The following PCDH15 variants were observed in gnomAD, a reference collection of about 807,000 sequenced individuals.
The protein encoded by PCDH15 is protocadherin related 15.
PCDH15 carries 129 observed loss-of-function variants against 178.5 expected under a neutral mutation model. The observed-to-expected ratio is 0.72, with a 90% CI of 0.63 to 0.84. The LOEUF (loss-of-function observed/expected upper bound fraction) is 0.84, where lower values mean the gene tolerates loss of function less well. Ranked by LOEUF, PCDH15 falls within the 40% of genes least tolerant of loss-of-function variation. The pLI, the probability that PCDH15 is intolerant of heterozygous loss-of-function variation, is 0.00. For synonymous variants in PCDH15, 800 were observed against 732.0 expected, an observed-to-expected ratio of 1.09 and a Z score of -1.50; for missense variants, 2,230 against 2,099.9, an observed-to-expected ratio of 1.06 and a Z score of -1.21.
At chr10:54,129,298 TTATAG>T (rs1363479304) in intron 15 of PCDH15, among the ~76,000 whole-genome samples, 1 of 152,128 alleles carries the variant, frequency 6.6e-6, no homozygotes, top group Non-Finnish European at 1.5e-5. Context: ...TCAATACATA[TTATAG>T]TAAAAAGTAA....
At chr10:54,640,877 G>A (rs2093971932) in intron 2 of PCDH15, among the ~76,000 whole-genome samples, 3 of 152,148 alleles carry the variant, frequency 2.0e-5, no homozygotes, top group African/African-American at 4.8e-5. Flanking sequence ...GCTGAGGTAG[G>A]TGGATCACTT....
chr10:54,093,874 T>C (rs1565240952), intron 15 of PCDH15, among the ~76,000 whole-genome samples: 1 of 152,192 alleles, frequency 6.6e-6, no homozygotes, highest in African/African-American at 2.4e-5. Context: ...AATGGGAGCA[T>C]AGTGTTATTC....
At chr10:53,833,229 A>C (rs1160275482) in intron 29 of PCDH15, among the ~76,000 whole-genome samples, 1 of 152,074 alleles carries the variant, frequency 6.6e-6, no homozygotes, top group East Asian at 1.9e-4. Context: ...TGTGGAGTTC[A>C]GTTGACAGAT....
At chr10:55,554,015 A>T (rs973526635) in intron 2 of PCDH15, among the ~76,000 whole-genome samples, 1 of 152,018 alleles carries the variant, frequency 6.6e-6, no homozygotes, top group African/African-American at 2.4e-5. Context: ...GGGGTTCACA[A>T]TTAAGGTTGT....
At chr10:53,937,515 T>A (rs2085683148) in intron 25 of PCDH15, among the ~76,000 whole-genome samples, 2 of 152,184 alleles carry the variant, frequency 1.3e-5, no homozygotes, top group Non-Finnish European at 2.9e-5. Context: ...AAAGAATTCA[T>A]CTGCTATTTT....
Position 54,757,339 on chromosome 10 carries a change from G to C in PCDH15, c.-29+43586C>G, listed in dbSNP as rs1346035524. ...GCTCTGTCGCCCAGGCTGGAGCGCA[G>C]TGGCGCGATCTCGACTCACTGCAAG... is the stretch of plus-strand genomic sequence containing the variant. On this transcript the variant is annotated intron_variant, in intron 1 of 37. Transcript: ENST00000644397. 6.9e-5 allele frequency among the ~76,000 whole-genome samples: 2 copies of C among 28,870 alleles called. 1 individual carries two copies. The highest frequency in any genetic ancestry group is 1.4e-4 in the Non-Finnish European group (2 of 14,320). 18.9% of individuals were successfully genotyped at this position (28,870 alleles called of 152,430 possible). A position where few individuals can be genotyped will look rare whatever the true frequency, so the allele number is the denominator to read the frequency against.
At chr10:55,344,536 A>T (rs192945460) in intron 2 of PCDH15, among the ~76,000 whole-genome samples, 3 of 152,250 alleles carry the variant, frequency 2.0e-5, no homozygotes, top group Non-Finnish European at 2.9e-5. Context: ...ATGTGGGAAT[A>T]AAAGAAGACA....
chr10:53,917,426 A>C (rs1243069005), intron 25 of PCDH15, among the ~76,000 whole-genome samples: 1 of 152,208 alleles, frequency 6.6e-6, no homozygotes, highest in Non-Finnish European at 1.5e-5. Context: ...GCTTTGTTTA[A>C]ATAAAAAAAG....
At chr10:53,920,348 TAATAAA>T (rs2083893726) in intron 25 of PCDH15, among the ~76,000 whole-genome samples, 1 of 152,110 alleles carries the variant, frequency 6.6e-6, no homozygotes, top group African/African-American at 2.4e-5. Flanking sequence ...TTGCATCTTT[TAATAAA>T]AATAGTGGAT....
intron 10 of PCDH15, among the ~76,000 whole-genome samples, chr10:54,198,703 G>GT (rs2049934617): frequency 1.0e-5 from 1 of 95,898 alleles, no homozygotes; most frequent in South Asian, 3.0e-4. Context: ...GGGTTTCACC[G>GT]TTTTAGCCGG....
In PCDH15 at chr10:54,189,919, ATGTGTATGTGTG is replaced by A. The variant is rs1191000581; in HGVS notation, c.1306-4663_1306-4652del. ...ATATGGTTCATATATGTATACATGC[ATGTGTATGTGTG>A]TGTGTGTGTGTGTGTGTGTGTGTGT... On this transcript the variant is annotated intron_variant, in intron 11 of 37. Coordinates refer to ENST00000644397, the MANE Select transcript of PCDH15 (RefSeq NM_001384140.1). 7.9e-3 allele frequency among the ~76,000 whole-genome samples: 858 copies of A among 108,822 alleles called. 6 individuals carry two copies. The highest frequency in any genetic ancestry group is 0.02 in the African/African-American group (624 of 31,498). 71.4% of individuals were successfully genotyped at this position (108,822 alleles called of 152,430 possible). A position where few individuals can be genotyped will look rare whatever the true frequency, so the allele number is the denominator to read the frequency against.
chr10:55,506,046 A>C (rs1418542993), intron 2 of PCDH15, among the ~76,000 whole-genome samples: 2 of 151,478 alleles, frequency 1.3e-5, no homozygotes, highest in African/African-American at 4.8e-5. Flanking sequence ...TTGTAAAAAT[A>C]GCATGAAAGA....
At chr10:54,709,166 C>T (rs532755333) in intron 1 of PCDH15, among the ~76,000 whole-genome samples, 2 of 152,222 alleles carry the variant, frequency 1.3e-5, no homozygotes, top group East Asian at 1.9e-4. Context: ...TTACACCTCC[C>T]TCTGATAAGA....
intron 2 of PCDH15, among the ~76,000 whole-genome samples, chr10:55,595,056 G>T (rs1245092755): frequency 1.3e-5 from 2 of 151,896 alleles, no homozygotes; most frequent in African/African-American, 2.4e-5. Flanking sequence ...TTTAATCATT[G>T]AAATTCACTG....
intron 2 of PCDH15, among the ~76,000 whole-genome samples, chr10:54,982,098 C>G (rs1322922470): frequency 6.6e-6 from 1 of 152,024 alleles, no homozygotes; most frequent in Non-Finnish European, 1.5e-5. Flanking sequence ...TACAGATGAT[C>G]TTATCCTTAC....
chr10:55,261,201 G>T (rs1322944997), intron 1 of PCDH15, among the ~76,000 whole-genome samples: 1 of 152,142 alleles, frequency 6.6e-6, no homozygotes, highest in Admixed American at 6.5e-5. Context: ...ATGATCCTCA[G>T]CCAAACTCAT....
At chr10:54,180,130 C>T (rs1367396744) in intron 13 of PCDH15, among the ~76,000 whole-genome samples, 15 of 152,152 alleles carry the variant, frequency 9.9e-5, no homozygotes, top group Non-Finnish European at 1.9e-4. Flanking sequence ...TGTGATTATA[C>T]TTCAGCTCCG....
At chr10:54,686,441 G>A (rs901677191) in intron 1 of PCDH15, among the ~76,000 whole-genome samples, 7 of 151,952 alleles carry the variant, frequency 4.6e-5, no homozygotes, top group Non-Finnish European at 8.8e-5. Context: ...CATTATTTTT[G>A]TTTTGGTTTC....
intron 3 of PCDH15, among the ~76,000 whole-genome samples, chr10:54,849,468 C>T (rs777381297): frequency 4.7e-4 from 71 of 152,138 alleles, no homozygotes; most frequent in Non-Finnish European, 8.8e-4. Flanking sequence ...ACCCATGCAC[C>T]TACTGCTAAG....
Sources: allele counts gnomAD v4.1 joint callset (sites outside exome capture counted in the v4.1 genomes callset), GRCh38; gene constraint gnomAD v4.1.1; transcripts MANE v1.5; gene names NCBI Gene and HGNC (gene_info 2026-07-23, HGNC 2026-07-21).